The following SLC35F4 variants were observed in gnomAD, a reference collection of about 807,000 sequenced individuals.
The protein encoded by SLC35F4 is chromosome 14 open reading frame 36.
Under a neutral mutation model 44.2 loss-of-function variants are expected in SLC35F4, and 24 were observed. The ratio of observed to expected loss-of-function variants is 0.54; its 90% CI spans 0.39 to 0.76. SLC35F4 has a LOEUF of 0.76. Ranked by LOEUF, SLC35F4 falls within the 30% of genes least tolerant of loss-of-function variation. The pLI, the probability that SLC35F4 is intolerant of heterozygous loss-of-function variation, is 0.00. For missense variants in SLC35F4, 562 were observed against 586.1 expected (o/e 0.96, Z 0.42); for synonymous variants, 238 against 223.6 (o/e 1.06, Z -0.57).
chr14:57,969,225 T>C (rs764729416), intron 1 of SLC35F4, among the ~76,000 whole-genome samples: 49 of 152,196 alleles, frequency 3.2e-4, no homozygotes, highest in Non-Finnish European at 3.7e-4. Context: ...AGAAAGGCTT[T>C]AAGAAAGGTT....
intron 1 of SLC35F4, among the ~76,000 whole-genome samples, chr14:57,945,439 A>ATATGTGTG (rs1890007421): frequency 9.6e-6 from 1 of 104,690 alleles, no homozygotes; most frequent in Non-Finnish European, 1.8e-5. Context: ...AGCAATGATA[A>ATATGTGTG]TGTGTGTGTG....
At chr14:57,816,035 C>T (rs1459635696) in intron 1 of SLC35F4, among the ~76,000 whole-genome samples, 2 of 152,074 alleles carry the variant, frequency 1.3e-5, no homozygotes, top group African/African-American at 4.8e-5. Flanking sequence ...GGGGGTCTGG[C>T]CTAAAGCAGG....
chr14:57,967,055 C>A (rs1349794156), intron 1 of SLC35F4, among the ~76,000 whole-genome samples: 2 of 151,686 alleles, frequency 1.3e-5, no homozygotes, highest in African/African-American at 4.8e-5. Flanking sequence ...AAGTTAGCAG[C>A]AATCTGAATT....
intron 1 of SLC35F4, among the ~76,000 whole-genome samples, chr14:57,670,698 T>G (rs1034288414): frequency 2.6e-5 from 4 of 151,960 alleles, no homozygotes; most frequent in African/African-American, 9.7e-5. Flanking sequence ...TGAGAGACAG[T>G]TTGTTATAAT....
intron 1 of SLC35F4, among the ~76,000 whole-genome samples, chr14:57,702,908 T>C (rs1430557564): frequency 1.3e-5 from 2 of 152,188 alleles, no homozygotes; most frequent in Middle Eastern, 3.2e-3. Flanking sequence ...ATAATAATTT[T>C]CTGAGTTCTG....
chr14:57,640,103 G>A (rs542014370), intron 1 of SLC35F4, among the ~76,000 whole-genome samples: 21 of 151,998 alleles, frequency 1.4e-4, no homozygotes, highest in East Asian at 3.9e-4. Flanking sequence ...AATCTAGAAA[G>A]GCAGGCACAA....
intron 1 of SLC35F4, among the ~76,000 whole-genome samples, chr14:57,955,655 CAGAG>C (rs1012989235): frequency 7.2e-5 from 11 of 152,156 alleles, no homozygotes; most frequent in African/African-American, 2.7e-4. Context: ...AATAAACAAA[CAGAG>C]AGCCAAATCA....
intron 1 of SLC35F4, among the ~76,000 whole-genome samples, chr14:57,836,768 C>A (rs960868106): frequency 2.0e-5 from 3 of 152,172 alleles, no homozygotes; most frequent in Non-Finnish European, 4.4e-5. Context: ...AGCACACACA[C>A]AAGCACACCC....
intron 1 of SLC35F4, among the ~76,000 whole-genome samples, chr14:57,709,996 AG>A (rs1257656761): frequency 1.3e-5 from 2 of 152,242 alleles, no homozygotes; most frequent in African/African-American, 4.8e-5. Flanking sequence ...ATAAGTAACA[AG>A]GAGCCAAATG....
intron 1 of SLC35F4, among the ~76,000 whole-genome samples, chr14:57,794,639 A>T (rs1251793737): frequency 6.6e-6 from 1 of 152,054 alleles, no homozygotes; most frequent in African/African-American, 2.4e-5. Context: ...CTGTAGGCCC[A>T]TTCTGTTCAT....
chr14:57,749,506 T>C (rs939777830), intron 1 of SLC35F4, among the ~76,000 whole-genome samples: 2 of 151,420 alleles, frequency 1.3e-5, no homozygotes, highest in South Asian at 2.1e-4. Flanking sequence ...CATGCATGGG[T>C]CTGTGACGGG....
rs572573030 is a variant in SLC35F4, at chr14:57,737,201, C to A, written c.103+128522G>T. 8.6e-5 allele frequency among the ~76,000 whole-genome samples: 13 copies of A among 151,724 alleles called. No individual in the cohort carries two copies. The East Asian group carries it at 2.5e-3, about 29-fold the overall frequency. On this transcript the variant is annotated intron_variant, in intron 1 of 7. Transcript: ENST00000556826. ...GCAAGGTACGCCTAAAGTAGTAATT[C>A]CACTTACTATCCAAAGCAATATGTG...
chr14:57,834,613 G>T (rs562485918), intron 1 of SLC35F4, among the ~76,000 whole-genome samples: 3 of 152,324 alleles, frequency 2.0e-5, no homozygotes, highest in South Asian at 2.1e-4. Context: ...AAGGACAATG[G>T]TATAACTAAA....
At chr14:57,829,162 G>T (rs574858090) in intron 1 of SLC35F4, among the ~76,000 whole-genome samples, 1 of 152,174 alleles carries the variant, frequency 6.6e-6, no homozygotes, top group Non-Finnish European at 1.5e-5. Flanking sequence ...GATGTTAGAG[G>T]CATTCAGAAC....
intron 5 of SLC35F4, among the ~76,000 whole-genome samples, chr14:57,571,639 G>T (rs939525451): frequency 6.6e-6 from 1 of 152,178 alleles, no homozygotes; most frequent in African/African-American, 2.4e-5. Flanking sequence ...TTTGGGGCAA[G>T]TTATGTAATC....
chr14:57,817,795 G>C (rs1026207834), intron 1 of SLC35F4, among the ~76,000 whole-genome samples: 1 of 152,110 alleles, frequency 6.6e-6, no homozygotes, highest in Non-Finnish European at 1.5e-5. Context: ...TACAGTGAAC[G>C]AGGCAGAGAT....
chr14:57,925,450 C>T (rs1203262411), intron 1 of SLC35F4, among the ~76,000 whole-genome samples: 3 of 133,662 alleles, frequency 2.2e-5, no homozygotes, highest in South Asian at 4.8e-4. Context: ...TAGGCAAGAA[C>T]AGATTCTCCT....
At chr14:57,666,049 C>A (rs1227529063) in intron 1 of SLC35F4, among the ~76,000 whole-genome samples, 6 of 152,196 alleles carry the variant, frequency 3.9e-5, no homozygotes, top group African/African-American at 9.7e-5. Context: ...ATGAAATAAT[C>A]TGTACAACAG....
chr14:57,975,607 G>T (rs926282132), downstream of SLC35F4, among the ~76,000 whole-genome samples: 1 of 152,136 alleles, frequency 6.6e-6, no homozygotes, highest in Non-Finnish European at 1.5e-5. Context: ...TCAGAAAAAT[G>T]GAAATGTAGA....
Sources: gnomAD v4.1 joint callset for allele counts (sites outside exome capture counted in the v4.1 genomes callset) on GRCh38, gnomAD v4.1.1 for gene constraint, MANE v1.5 for transcripts, NCBI Gene and HGNC (gene_info 2026-07-23, HGNC 2026-07-21) for gene names.